Variants in PTPN14 observed in about 807,000 individuals in gnomAD.
The protein encoded by PTPN14 is protein tyrosine phosphatase non-receptor type 14.
A neutral mutation model predicts 126.8 loss-of-function variants in PTPN14; 53 were observed. The observed-to-expected ratio is 0.42, with a 90% confidence interval of 0.34 to 0.53. The LOEUF (loss-of-function observed/expected upper bound fraction) is 0.53. Ranked by LOEUF, PTPN14 falls within the 20% of genes least tolerant of loss-of-function variation. The pLI is 0.08. For missense variants in PTPN14, 1,257 were observed against 1,552.9 expected, an observed-to-expected ratio of 0.81 and a Z score of 3.20; for synonymous variants, 630 against 599.3, an observed-to-expected ratio of 1.05 and a Z score of -0.75.
chr1:214,465,951 C>CTTTTTTTTTCTTTTTTTTTTTT (rs1660625726), intron 1 of PTPN14, among the ~76,000 whole-genome samples: 1 of 59,024 alleles, frequency 1.7e-5, no homozygotes, highest in Non-Finnish European at 2.9e-5. Context: ...CAGTTACTTC[C>CTTTTTTTTTCTTTTTTTTTTTT]TTTTTTTTTT....
At chr1:214,381,760 A>G (rs1343521924) in intron 13 of PTPN14, among the ~76,000 whole-genome samples, 2 of 152,232 alleles carry the variant, frequency 1.3e-5, no homozygotes, top group Non-Finnish European at 2.9e-5. Flanking sequence ...TTAAGTTACA[A>G]CTGTTTCGGA....
intron 3 of PTPN14, among the ~76,000 whole-genome samples, chr1:214,433,947 CACACAAAAAAAAAAAAAAAAA>C (rs1463157128): frequency 8.6e-5 from 2 of 23,334 alleles, no homozygotes; most frequent in African/African-American, 1.4e-4. Context: ...CACACACACA[CACACAAAAAAAAAAAAAAAAA>C]AAAACTCAAA....
rs184980256 is a variant in PTPN14 at position 214,480,301 on chromosome 1, A to G, written c.-154-15344T>C. Among the ~76,000 whole-genome samples, 6 of 152,374 alleles carry G rather than the reference A, an allele frequency of 3.9e-5. No homozygotes were observed. In the East Asian group the frequency reaches 1.2e-3, roughly 29 times the overall value. On this transcript the variant is annotated intron_variant, in intron 1 of 18. Transcript: ENST00000366956. The stretch of plus-strand genomic sequence containing the variant: ...TGATTTCCATTTCTTCACTTATAAG[A>G]TGACTGAAACAATATGTTTTCTTAA...
chr1:214,377,839 T>A, intron 14 of PTPN14, 120 bp downstream of exon 14: 1 of 1,236,590 alleles, frequency 8.1e-7, no homozygotes, highest in Non-Finnish European at 1.1e-6. Context: ...ATCTTCCTAA[T>A]CTCAGATTGA....
rs1657711855 is a variant in PTPN14 at position 214,351,692 on chromosome 1, A to C, written c.*6230T>G. ...TATGATAAACCACACATCATAATCCATGACATTCATCAAGCTCTACCTCAA... is the reference window on the plus strand; with the variant it reads ...TATGATAAACCACACATCATAATCCCTGACATTCATCAAGCTCTACCTCAA... On this transcript the variant is annotated 3_prime_UTR_variant, in exon 19 of 19. Transcript: ENST00000366956. 1 of 152,256 alleles carries C rather than the reference A, an allele frequency of 6.6e-6. No individual in the cohort carries two copies. Among genetic ancestry groups the C allele is most frequent in the Non-Finnish European group, 1.5e-5 (1 of 68,050 alleles). The allele number at this position is 152,256 out of a possible 1,614,324, so 9.4% of individuals were successfully genotyped here. A position where few individuals can be genotyped will look rare whatever the true frequency, so the allele number is the denominator to read the frequency against.
intron 1 of PTPN14, chr1:214,532,886 T>C: frequency 5.8e-6 from 6 of 1,028,328 alleles, no homozygotes; most frequent in Non-Finnish European, 9.1e-6. Context: ...ACCATGGAGG[T>C]TGATGCCCCC....
intron 5 of PTPN14, among the ~76,000 whole-genome samples, chr1:214,407,817 C>T (rs1659204948): frequency 6.6e-6 from 1 of 152,170 alleles, no homozygotes; most frequent in Non-Finnish European, 1.5e-5. Flanking sequence ...AACAAGATTC[C>T]CAGCTGACCA....
rs1657775848 is a variant in PTPN14 at position 214,354,701 on chromosome 1, TC to T, written c.*3220del. 1 of 152,182 alleles carries T rather than the reference TC, an allele frequency of 6.6e-6. No homozygotes were observed. Among genetic ancestry groups the T allele is most frequent in the Non-Finnish European group, 1.5e-5 (1 of 68,022 alleles). 9.4% of individuals were successfully genotyped at this position (152,182 alleles called of 1,614,324 possible). A position where few individuals can be genotyped will look rare whatever the true frequency, so the allele number is the denominator to read the frequency against. On this transcript the variant is annotated 3_prime_UTR_variant, in exon 19 of 19. Coordinates refer to ENST00000366956, the MANE Select transcript of PTPN14 (RefSeq NM_005401.5). ...GTGTGGATGAAAGAAACCAAACAGT[TC>T]AACTGGAAAACCTCGAAAACAGCGG...
intron 16 of PTPN14, among the ~76,000 whole-genome samples, chr1:214,370,280 CAAA>C (rs561271706): frequency 4.1e-5 from 4 of 97,444 alleles, no homozygotes; most frequent in Admixed American, 1.0e-4. Context: ...GATTCCATCT[CAAA>C]AAAAAAAAAA....
chr1:214,359,403 T>C (rs1031008773), intron 18 of PTPN14, among the ~76,000 whole-genome samples: 2 of 151,012 alleles, frequency 1.3e-5, no homozygotes, highest in Non-Finnish European at 2.9e-5. Context: ...TTTGTATTTT[T>C]AGTAGAGACG....
At chr1:214,458,112 T>C (rs1346466524) in intron 2 of PTPN14, among the ~76,000 whole-genome samples, 1 of 152,098 alleles carries the variant, frequency 6.6e-6, no homozygotes, top group Non-Finnish European at 1.5e-5. Context: ...TGCAGTAGTA[T>C]GTTAATAGCT....
chr1:214,521,019 T>TCA (rs771580969), intron 1 of PTPN14, among the ~76,000 whole-genome samples: 1 of 152,186 alleles, frequency 6.6e-6, no homozygotes, highest in Non-Finnish European at 1.5e-5. Flanking sequence ...ACATGTCATT[T>TCA]CACAGAAGGC....
chr1:214,519,266 C>CA (rs1313675296), intron 1 of PTPN14, among the ~76,000 whole-genome samples: 1 of 152,046 alleles, frequency 6.6e-6, no homozygotes, highest in Non-Finnish European at 1.5e-5. Flanking sequence ...AAGACTGTCT[C>CA]AAAAAACAAA....
chr1:214,460,679 T>C (rs1660491693), intron 2 of PTPN14, among the ~76,000 whole-genome samples: 1 of 152,108 alleles, frequency 6.6e-6, no homozygotes, highest in African/African-American at 2.4e-5. Flanking sequence ...GAAAATTCCA[T>C]GTTCTTTCCT....
At chr1:214,445,551 T>TA (rs5780780) in intron 3 of PTPN14, among the ~76,000 whole-genome samples, 55,584 of 145,380 alleles carry the variant, frequency 0.38, 10,462 homozygotes, top group East Asian at 0.52. Context: ...ATGTTTTGGT[T>TA]AAAAAAAAAA....
At chr1:214,461,347 A>G (rs1660507260) in intron 2 of PTPN14, among the ~76,000 whole-genome samples, 1 of 152,110 alleles carries the variant, frequency 6.6e-6, no homozygotes, top group African/African-American at 2.4e-5. Flanking sequence ...GGCTAAACAT[A>G]TTACCCTGAG....
At chr1:214,520,474 T>C (rs1444327107) in intron 1 of PTPN14, among the ~76,000 whole-genome samples, 2 of 152,070 alleles carry the variant, frequency 1.3e-5, no homozygotes, top group East Asian at 3.9e-4. Context: ...ACAAAAAGAA[T>C]GAAGAATTTT....
Position 214,374,581 on chromosome 1 carries a change from T to A in PTPN14, c.2907+1638A>T, listed in dbSNP as rs11809434. ...CATGTGATTCCACCTCTGGAGCAAA[T>A]AAATCTCTGTTCTGTGTTAACGGCT... On this transcript the variant is annotated intron_variant, in intron 15 of 18. Transcript: ENST00000366956. Among the ~76,000 whole-genome samples, 1,147 of 152,284 alleles carry A rather than the reference T, an allele frequency of 7.5e-3. 16 individuals are homozygous for A. Among genetic ancestry groups the A allele is most frequent in the African/African-American group, 0.026 (1,081 of 41,552 alleles).
chr1:214,514,683 G>A (rs773240384), intron 1 of PTPN14, among the ~76,000 whole-genome samples: 1 of 152,042 alleles, frequency 6.6e-6, no homozygotes, highest in Non-Finnish European at 1.5e-5. Flanking sequence ...TAATACTGAG[G>A]ATGTGTGCCA....
Sources: allele counts gnomAD v4.1 joint callset (sites outside exome capture counted in the v4.1 genomes callset), GRCh38; gene constraint gnomAD v4.1.1; transcripts MANE v1.5; gene names NCBI Gene and HGNC (gene_info 2026-07-23, HGNC 2026-07-21).